The following CCNA2 variants were observed in gnomAD, a reference collection of about 807,000 sequenced individuals.
CCNA2 encodes cyclin-A2.
CCNA2 carries 3 observed loss-of-function variants against 49.4 expected under a neutral mutation model. That is an observed-to-expected ratio of 0.06 (90% CI 0.03 to 0.16). The LOEUF (loss-of-function observed/expected upper bound fraction) is 0.16, where lower values mean the gene tolerates loss of function less well. Ranked by LOEUF, CCNA2 falls within the 10% of genes least tolerant of loss-of-function variation. The probability of loss-of-function intolerance (pLI) is 1.00; values close to 1 mark genes in which losing one functional copy is unlikely to be tolerated. For synonymous variants in CCNA2, 206 were observed against 197.2 expected (o/e 1.04, Z -0.37); for missense variants, 372 against 519.7 (o/e 0.72, Z 2.76).
At chr4:121,818,367 G>A (rs1196606614) in intron 6 of CCNA2, among the ~76,000 whole-genome samples, 190 bp from the exon 7 acceptor site, 1 of 152,106 alleles carries the variant, frequency 6.6e-6, no homozygotes, top group Non-Finnish European at 1.5e-5. Context: ...CAACAGGTCA[G>A]ATGCTTTTAA....
At position 121,822,694 on chromosome 4, in the gene CCNA2, T is replaced by C. The variant is rs112552992; in HGVS notation, c.214-48A>G. Reference sequence around the variant, plus strand: ...CTTTGAGCCTACTAGTCTTGCATTCTTTCTCTTATGGGTGTTGGCCTTTGC... The same window carrying C: ...CTTTGAGCCTACTAGTCTTGCATTCCTTCTCTTATGGGTGTTGGCCTTTGC... On this transcript the variant is annotated intron_variant, in intron 1 of 7. Coordinates refer to ENST00000274026, the MANE Select transcript of CCNA2 (RefSeq NM_001237.5). 1.8e-5 allele frequency: 29 copies of C among 1,586,984 alleles called. No individual in the cohort carries two copies. In the African/African-American group the frequency reaches 3.5e-4, roughly 19 times the overall value.
chr4:121,823,300 C>T (rs952141821), intron 1 of CCNA2, 116 bp downstream of exon 1: 32 of 1,290,334 alleles, frequency 2.5e-5, no homozygotes, highest in Non-Finnish European at 6.3e-6. Flanking sequence ...GCACTCCAGA[C>T]CCTGGCCCCC....
At chr4:121,819,939 CTTTTTTTTTT>C (rs796750946) in intron 4 of CCNA2, among the ~76,000 whole-genome samples, 250 of 135,104 alleles carry the variant, frequency 1.9e-3, no homozygotes, top group African/African-American at 5.6e-3. Flanking sequence ...GTTTTTCTTT[CTTTTTTTTTT>C]TTTTTTTTGA....
In CCNA2 at chr4:121,816,725, A is replaced by C. The variant is rs767321696; in HGVS notation, c.*913T>G. The C allele has an allele frequency of 8.6e-6, 13 of 1,517,434 alleles. No individual in the cohort carries two copies. In the Admixed American group the frequency reaches 3.3e-4, roughly 38 times the overall value. The allele number at this position is 1,517,434 out of a possible 1,614,324, so 94.0% of individuals were successfully genotyped here. On this transcript the variant is annotated 3_prime_UTR_variant, in exon 8 of 8. Coordinates refer to ENST00000274026, the MANE Select transcript of CCNA2 (RefSeq NM_001237.5). ...GAAATGCCTCTTATTTCAATAATCC[A>C]AAACTTAACATACTCTTAGTAAATT...
chr4:121,816,740 C>G lies in CCNA2; in HGVS notation c.*898G>C. On this transcript the variant is annotated 3_prime_UTR_variant, in exon 8 of 8. Transcript: ENST00000274026. ...TCAATAATCCAAAACTTAACATACTCTTAGTAAATTCTTACTTTGCTTTAT... is the reference window on the plus strand; with the variant it reads ...TCAATAATCCAAAACTTAACATACTGTTAGTAAATTCTTACTTTGCTTTAT... 1 of 1,547,822 alleles carries G rather than the reference C, an allele frequency of 6.5e-7. No homozygotes were observed. The highest frequency in any genetic ancestry group is 8.7e-7 in the Non-Finnish European group (1 of 1,152,642).
chr4:121,818,262 T>TA, intron 6 of CCNA2, 85 bp from the exon 7 acceptor site: 1 of 1,179,432 alleles, frequency 8.5e-7, no homozygotes, highest in Admixed American at 2.3e-5. Context: ...AAGCTTATGT[T>TA]AAATTCCAGT....
rs202018156 is a variant in CCNA2, at chr4:121,816,473, A to T, written c.*1165T>A. 1 of 1,363,316 alleles carries T rather than the reference A, an allele frequency of 7.3e-7. No individual in the cohort carries two copies. Among genetic ancestry groups the T allele is most frequent in the Non-Finnish European group, 1.0e-6 (1 of 978,640 alleles). The allele number at this position is 1,363,316 out of a possible 1,614,324, so 84.5% of individuals were successfully genotyped here. ...GTAACAAATTTCTGGTTTATTTCAA[A>T]TGTATACATATACTCAACACTTATA... is the stretch of plus-strand genomic sequence containing the variant. On this transcript the variant is annotated 3_prime_UTR_variant, in exon 8 of 8. Transcript: ENST00000274026.
Position 121,816,516 on chromosome 4 carries a change from T to A in CCNA2, c.*1122A>T. ...CACTTATAGAGGTTTGCTCTCTGGT[T>A]TTACTCTCATCTTGCCACATGACTA... On this transcript the variant is annotated 3_prime_UTR_variant, in exon 8 of 8. Coordinates refer to ENST00000274026, the MANE Select transcript of CCNA2 (RefSeq NM_001237.5). 1 of 1,042,108 alleles carries A rather than the reference T, an allele frequency of 9.6e-7. No individual in the cohort carries two copies. Among genetic ancestry groups the A allele is most frequent in the Non-Finnish European group, 1.4e-6 (1 of 708,026 alleles). The allele number at this position is 1,042,108 out of a possible 1,614,324, so 64.6% of individuals were successfully genotyped here. A position where few individuals can be genotyped will look rare whatever the true frequency, so the allele number is the denominator to read the frequency against.
Position 121,818,113 on chromosome 4 carries a change from AG to A in CCNA2, c.1180del (p.Leu394PhefsTer16). The A allele has an allele frequency of 6.2e-7, 1 of 1,613,698 alleles. No homozygotes were observed. The highest frequency in any genetic ancestry group is 8.5e-7 in the Non-Finnish European group (1 of 1,179,566). On this transcript the variant is annotated frameshift_variant, in exon 7 of 8. Coordinates refer to ENST00000274026, the MANE Select transcript of CCNA2 (RefSeq NM_001237.5). LOFTEE classifies it high-confidence loss of function. ...LESLKPCLMD[L>X]HQTYLKAPQH... The stretch of plus-strand genomic sequence containing the variant: ...TGGTGCTTTGAGGTAGGTCTGGTGA[AG>A]GTCCATGAGACAAGGCTTAAGACTT...
rs767316185 is a variant in CCNA2, at chr4:121,816,876, G to A, written c.*762C>T. On this transcript the variant is annotated 3_prime_UTR_variant, in exon 8 of 8. Transcript: ENST00000274026. Reference sequence around the variant, plus strand: ...AATTAAAGCTAACAGTTGTATATCTGTATATATAACTATTAAAAGGGATAT... The same window carrying A: ...AATTAAAGCTAACAGTTGTATATCTATATATATAACTATTAAAAGGGATAT... The A allele has an allele frequency of 6.5e-7, 1 of 1,530,542 alleles. No homozygotes were observed. The highest frequency in any genetic ancestry group is 8.8e-7 in the Non-Finnish European group (1 of 1,133,166). The allele number at this position is 1,530,542 out of a possible 1,614,324, so 94.8% of individuals were successfully genotyped here.
chr4:121,821,794 T>C (rs1003283920), intron 2 of CCNA2, among the ~76,000 whole-genome samples: 5 of 151,914 alleles, frequency 3.3e-5, no homozygotes, highest in Admixed American at 3.3e-4. Context: ...AAAACTAAAA[T>C]GAGATTGGAT....
rs1396436877 is a variant in CCNA2 at position 121,816,831 on chromosome 4, G to C, written c.*807C>G. The C allele has an allele frequency of 6.3e-7, 1 of 1,595,112 alleles. No individual in the cohort carries two copies. The highest frequency in any genetic ancestry group is 8.6e-7 in the Non-Finnish European group (1 of 1,169,076). ...CCAAGTAAAAAGCCAGTGAAAAGAA[G>C]AAAAAAGAAGAGAGCTGCCAATTAA... On this transcript the variant is annotated 3_prime_UTR_variant, in exon 8 of 8. Coordinates refer to ENST00000274026, the MANE Select transcript of CCNA2 (RefSeq NM_001237.5).
chr4:121,823,829 G>T lies in CCNA2; in HGVS notation c.-201C>A. Reference sequence around the variant, plus strand: ...AGGAGGTTGCGAAAGGCGCAGGCAGGCACTGCCCAGCGTGGCGAGCCAAAG... The same window carrying T: ...AGGAGGTTGCGAAAGGCGCAGGCAGTCACTGCCCAGCGTGGCGAGCCAAAG... On this transcript the variant is annotated 5_prime_UTR_variant, in exon 1 of 8. Transcript: ENST00000274026. 1 of 968,810 alleles carries T rather than the reference G, an allele frequency of 1.0e-6. No homozygotes were observed. 60.0% of individuals were successfully genotyped at this position (968,810 alleles called of 1,614,324 possible).
Position 121,823,571 on chromosome 4 carries a change from C to T in CCNA2, c.58G>A (p.Ala20Thr). Residue 20 changes from alanine (A) to threonine (T), a missense_variant, in exon 1 of 8, where the codon GCA (alanine) becomes ACA (threonine). This residue lies in a region of CCNA2 where 217 missense variants were observed against 231.7 expected (regional missense o/e 0.94). Coordinates refer to ENST00000274026, the MANE Select transcript of CCNA2 (RefSeq NM_001237.5). ...TCTTGGAGCGCCGTCTGCTGCAATG[C>T]TAGCAGCGCCGAGCCCGCCTCGCGG... The part of the protein sequence containing the change: ...ATREAGSALL[A>T]LQQTALQEDQ... 1 of 1,609,506 alleles carries T rather than the reference C, an allele frequency of 6.2e-7. No individual in the cohort carries two copies. The highest frequency in any genetic ancestry group is 8.5e-7 in the Non-Finnish European group (1 of 1,178,926).
Position 121,819,545 on chromosome 4 carries a change from C to G in CCNA2, c.829G>C (p.Glu277Gln), listed in dbSNP as rs1724636514. 2 of 1,613,724 alleles carry G rather than the reference C, an allele frequency of 1.2e-6. No homozygotes were observed. Among genetic ancestry groups the G allele is most frequent in the Admixed American group, 1.7e-5 (1 of 59,990 alleles). ...FEEIYPPEVAEFVYITDDTYT... is the reference protein window; with the variant it reads ...FEEIYPPEVAQFVYITDDTYT... ...GTATCATCTGTAATGTACACAAACTCTGCTACTTCTGGGGGGTATATTTCT... is the reference window on the plus strand; with the variant it reads ...GTATCATCTGTAATGTACACAAACTGTGCTACTTCTGGGGGGTATATTTCT... Residue 277 changes from glutamate to glutamine, a missense_variant, in exon 5 of 8, where the codon GAG (glutamate) becomes CAG (glutamine). Physicochemically the swap from Glu to Gln is conservative, Grantham distance 29. Coordinates refer to ENST00000274026, the MANE Select transcript of CCNA2 (RefSeq NM_001237.5).
In CCNA2 at chr4:121,823,707, C is replaced by A; in HGVS notation, c.-79G>T. 6.8e-7 allele frequency: 1 copy of A among 1,469,656 alleles called. No homozygotes were observed. The highest frequency in any genetic ancestry group is 9.0e-7 in the Non-Finnish European group (1 of 1,112,314). 91.0% of individuals were successfully genotyped at this position (1,469,656 alleles called of 1,614,324 possible). A position where few individuals can be genotyped will look rare whatever the true frequency, so the allele number is the denominator to read the frequency against. ...ACTCTGCCCAGCCGACCACTCGCACCGACCCGGCCAAAGAATAGTCGTAGC... is the reference window on the plus strand; with the variant it reads ...ACTCTGCCCAGCCGACCACTCGCACAGACCCGGCCAAAGAATAGTCGTAGC... On this transcript the variant is annotated 5_prime_UTR_variant, in exon 1 of 8. Coordinates refer to ENST00000274026, the MANE Select transcript of CCNA2 (RefSeq NM_001237.5).
chr4:121,816,997 TTAAAA>T lies in CCNA2; in HGVS notation c.*636_*640del. ...AATAGTTTTTTGTTTTTAATGTGCT[TTAAAA>T]TAATAAACCTTCTGGAGCATTTCTC... On this transcript the variant is annotated 3_prime_UTR_variant, in exon 8 of 8. Transcript: ENST00000274026. The T allele has an allele frequency of 2.4e-6, 2 of 839,750 alleles. No homozygotes were observed. Among genetic ancestry groups the T allele is most frequent in the Non-Finnish European group, 3.5e-6 (2 of 575,500 alleles). 52.0% of individuals were successfully genotyped at this position (839,750 alleles called of 1,614,324 possible). A position where few individuals can be genotyped will look rare whatever the true frequency, so the allele number is the denominator to read the frequency against.
rs1289803827 is a variant in CCNA2, at chr4:121,820,571, A to G, written c.765T>C (p.Leu255=). Residue 255 remains leucine (L), a synonymous_variant, in exon 4 of 8, where the codon CTT becomes CTC. Coordinates refer to ENST00000274026, the MANE Select transcript of CCNA2 (RefSeq NM_001237.5). The surrounding 1 kb of genome is among the most constrained non-coding windows in gnomAD (Gnocchi z 4.1). The part of the protein sequence containing the change: ...SMSVLRGKLQ[L]VGTAAMLLAS... ...CTAACAGCATAGCAGCAGTGCCCAC[A>G]AGCTGAAGTTTTCCTCTCAGCACTG... 1.2e-6 allele frequency: 2 copies of G among 1,613,722 alleles called. No individual in the cohort carries two copies. The highest frequency in any genetic ancestry group is 2.7e-5 in the African/African-American group (2 of 74,946).
Position 121,822,514 on chromosome 4 carries a change from C to T in CCNA2, c.346G>A (p.Glu116Lys). The T allele has an allele frequency of 1.2e-6, 2 of 1,614,068 alleles. No homozygotes were observed. Among genetic ancestry groups the T allele is most frequent in the Non-Finnish European group, 1.7e-6 (2 of 1,180,012 alleles). Residue 116 changes from glutamate (E) to lysine (K), a missense_variant, in exon 2 of 8, where the codon GAA becomes AAA. Coordinates refer to ENST00000274026, the MANE Select transcript of CCNA2 (RefSeq NM_001237.5). The part of the protein sequence containing the change: ...AEKEAQKKPA[E>K]SQKIEREDAL... The stretch of plus-strand genomic sequence containing the variant: ...TCTTCACGCTCTATTTTTTGAGATT[C>T]AGCTGGCTTCTTCTGAGCTTCTTTT...
Sources: gnomAD v4.1 joint callset for allele counts (sites outside exome capture counted in the v4.1 genomes callset) on GRCh38, gnomAD v4.1.1 for gene constraint, gnomAD v4.1.1 regional missense constraint, Gnocchi (gnomAD v3.1) non-coding constraint, MANE v1.5 for transcripts, NCBI Gene and HGNC (gene_info 2026-07-23, HGNC 2026-07-21) for gene names.